Variants in FBXO4 observed in about 807,000 individuals in gnomAD.
The protein encoded by FBXO4 is F-box only protein 4.
A neutral mutation model predicts 43.7 loss-of-function variants in FBXO4; 36 were observed. The ratio of observed to expected loss-of-function variants is 0.82; its 90% confidence interval spans 0.63 to 1.09. The LOEUF (loss-of-function observed/expected upper bound fraction) is 1.09. FBXO4 is among the 50% of genes least tolerant of loss of function. The pLI, the probability that FBXO4 is intolerant of heterozygous loss-of-function variation, is 0.00. For synonymous variants in FBXO4, 180 were observed against 165.6 expected (o/e 1.09, Z -0.67); for missense variants, 435 against 474.1 (o/e 0.92, Z 0.77).
At chr5:42,038,673 A>G in the FBXO4 span, among the ~76,000 whole-genome samples, 1 of 152,060 alleles carries the variant, frequency 6.6e-6, no homozygotes, top group South Asian at 2.1e-4. Flanking sequence ...ACTGTTAACT[A>G]TAGTCACCCT....
intron 6 of FBXO4, among the ~76,000 whole-genome samples, chr5:41,940,196 A>G (rs1036270548): frequency 1.1e-4 from 17 of 151,092 alleles, no homozygotes; most frequent in Non-Finnish European, 2.2e-4. Context: ...TTATAATATC[A>G]ATGTATTATG....
At chr5:42,022,239 A>G in the FBXO4 span, among the ~76,000 whole-genome samples, 77 of 152,270 alleles carry the variant, frequency 5.1e-4, no homozygotes, top group Non-Finnish European at 8.8e-4. Context: ...AAGCAAATAG[A>G]TGCAGACATT....
chr5:41,952,066 T>C, the FBXO4 span: 1 of 221,318 alleles, frequency 4.5e-6, no homozygotes, highest in Non-Finnish European at 9.2e-6. Flanking sequence ...CTATCACTTT[T>C]TCTTTTGTAG....
chr5:41,992,322 T>C, the FBXO4 span, among the ~76,000 whole-genome samples: 1 of 152,198 alleles, frequency 6.6e-6, no homozygotes, highest in African/African-American at 2.4e-5. Flanking sequence ...ATGAACATGA[T>C]GGTTTACAAA....
chr5:41,953,866 T>C, the FBXO4 span, among the ~76,000 whole-genome samples: 1 of 152,178 alleles, frequency 6.6e-6, no homozygotes, highest in South Asian at 2.1e-4. Context: ...CTTGTAAATT[T>C]GTTGGAGTTC....
At chr5:42,018,226 C>G in the FBXO4 span, among the ~76,000 whole-genome samples, 1 of 150,778 alleles carries the variant, frequency 6.6e-6, no homozygotes, top group Non-Finnish European at 1.5e-5. Context: ...ATGATAAACT[C>G]TAGGTTGAGA....
the FBXO4 span, among the ~76,000 whole-genome samples, chr5:42,033,352 C>A: frequency 6.6e-6 from 1 of 152,076 alleles, no homozygotes; most frequent in Non-Finnish European, 1.5e-5. Flanking sequence ...CTTAGACACA[C>A]AGAACACTGT....
the FBXO4 span, among the ~76,000 whole-genome samples, chr5:41,993,467 A>C: frequency 2.6e-5 from 4 of 152,090 alleles, no homozygotes; most frequent in South Asian, 8.3e-4. Context: ...AAGAAAACTT[A>C]TGATCAACTT....
the FBXO4 span, chr5:41,967,473 A>C: frequency 1.5e-4 from 93 of 628,224 alleles, 1 homozygote; most frequent in South Asian, 1.3e-3. Flanking sequence ...TGTTTCCTCA[A>C]CTGCTCTTTG....
the FBXO4 span, among the ~76,000 whole-genome samples, chr5:41,991,915 C>G: frequency 1.3e-5 from 2 of 152,132 alleles, no homozygotes; most frequent in Non-Finnish European, 2.9e-5. Context: ...CCCGTCTCTA[C>G]TAAAAATACA....
the FBXO4 span, among the ~76,000 whole-genome samples, chr5:41,958,711 T>C: frequency 6.6e-6 from 1 of 152,242 alleles, no homozygotes; most frequent in African/African-American, 2.4e-5. Flanking sequence ...ATCCATGTTA[T>C]CACAAATAAC....
chr5:41,942,840 G>A (rs1336777218), downstream of FBXO4, among the ~76,000 whole-genome samples: 6 of 152,060 alleles, frequency 3.9e-5, no homozygotes, highest in African/African-American at 1.4e-4. Flanking sequence ...ACAAGTACAT[G>A]AGCCATTTGC....
chr5:41,996,145 C>A, the FBXO4 span, among the ~76,000 whole-genome samples: 65 of 152,286 alleles, frequency 4.3e-4, 1 homozygote, highest in African/African-American at 1.5e-3. Flanking sequence ...GGCATTTGAG[C>A]CACTTCCTCA....
At chr5:41,971,956 A>G in the FBXO4 span, among the ~76,000 whole-genome samples, 1 of 152,108 alleles carries the variant, frequency 6.6e-6, no homozygotes, top group Non-Finnish European at 1.5e-5. Context: ...GATAAGAGCC[A>G]TTTATGACAA....
the FBXO4 span, among the ~76,000 whole-genome samples, chr5:41,995,906 G>T: frequency 1 from 151,731 of 152,340 alleles, 75,572 homozygotes; most frequent in Middle Eastern, 1. Context: ...CTTGAAGCTC[G>T]GCCCACTGGG....
chr5:41,960,209 G>A, the FBXO4 span, among the ~76,000 whole-genome samples: 1 of 151,808 alleles, frequency 6.6e-6, no homozygotes, highest in Non-Finnish European at 1.5e-5. Context: ...TGTTGATTTT[G>A]TATTCTGCAA....
chr5:41,988,977 T>C, the FBXO4 span, among the ~76,000 whole-genome samples: 1 of 152,200 alleles, frequency 6.6e-6, no homozygotes, highest in African/African-American at 2.4e-5. Context: ...ACTTTCCTTC[T>C]AAGGCGCATA....
chr5:41,950,095 C>G, the FBXO4 span, among the ~76,000 whole-genome samples: 1 of 152,108 alleles, frequency 6.6e-6, no homozygotes, highest in Non-Finnish European at 1.5e-5. Context: ...AATGTAAGAC[C>G]TAAAACCATA....
the FBXO4 span, among the ~76,000 whole-genome samples, chr5:42,017,778 C>CTT: frequency 1.2e-4 from 18 of 145,488 alleles, no homozygotes; most frequent in Non-Finnish European, 1.5e-4. Flanking sequence ...GATTTCCTGC[C>CTT]TTTTTTTTTT....
Sources: allele counts gnomAD v4.1 joint callset (sites outside exome capture counted in the v4.1 genomes callset), GRCh38; gene constraint gnomAD v4.1.1; transcripts MANE v1.5; gene names NCBI Gene and HGNC (gene_info 2026-07-23, HGNC 2026-07-21).